Variants in GULP1 observed in about 807,000 individuals in gnomAD.
The protein encoded by GULP1 is GULP PTB domain containing engulfment adaptor 1.
Under a neutral mutation model 40.9 loss-of-function variants are expected in GULP1, and 19 were observed. That is an observed-to-expected ratio of 0.46 (90% CI 0.32 to 0.68). GULP1 has a LOEUF of 0.68. Ranked by LOEUF, GULP1 falls within the 30% of genes least tolerant of loss-of-function variation. The pLI is 0.03. For synonymous variants in GULP1, 119 were observed against 117.6 expected (o/e 1.01, Z -0.08); for missense variants, 312 against 362.2 (o/e 0.86, Z 1.12).
chr2:188,306,264 T>G (rs1371622654), intron 1 of GULP1, among the ~76,000 whole-genome samples: 2 of 152,204 alleles, frequency 1.3e-5, no homozygotes, highest in African/African-American at 4.8e-5. Context: ...CAGAGAACAT[T>G]TCAGCCCTTA....
At position 188,352,477 on chromosome 2, in the gene GULP1, A is replaced by G. The variant is rs563172775; in HGVS notation, c.-171-31286A>G. On this transcript the variant is annotated intron_variant, in intron 1 of 11. Transcript: ENST00000409830. ...TTTGTACTCAGACTGAAACTACGCCAGGTTGTTGACTGTAGATCTTGGCAT... is the reference window on the plus strand; with the variant it reads ...TTTGTACTCAGACTGAAACTACGCCGGGTTGTTGACTGTAGATCTTGGCAT... Among the ~76,000 whole-genome samples, 3 of 152,208 alleles carry G rather than the reference A, an allele frequency of 2.0e-5. No individual in the cohort carries two copies. In the East Asian group the frequency reaches 5.8e-4, roughly 29 times the overall value.
chr2:188,343,111 C>A (rs576958772), intron 1 of GULP1, among the ~76,000 whole-genome samples: 1 of 151,924 alleles, frequency 6.6e-6, no homozygotes, highest in African/African-American at 2.4e-5. Flanking sequence ...TGACATCAGA[C>A]AAATCTGGAT....
chr2:188,514,590 A>G (rs1178963556), intron 4 of GULP1, among the ~76,000 whole-genome samples: 2 of 152,232 alleles, frequency 1.3e-5, no homozygotes, highest in South Asian at 2.1e-4. Context: ...ATCTAATTGT[A>G]TGAAGCAAAA....
At position 188,595,907 on chromosome 2, in the gene GULP1, A is replaced by T. The variant is rs1704340995; in HGVS notation, c.*1896A>T. Reference sequence around the variant, plus strand: ...CAACGATATGTTTGGTTTTCCTGAAAATAAATGATTTTAAATAAATTAAAT... The same window carrying T: ...CAACGATATGTTTGGTTTTCCTGAATATAAATGATTTTAAATAAATTAAAT... On this transcript the variant is annotated 3_prime_UTR_variant, in exon 12 of 12. Coordinates refer to ENST00000409830, the MANE Select transcript of GULP1 (RefSeq NM_016315.4). 2 of 152,298 alleles carry T rather than the reference A, an allele frequency of 1.3e-5. No individual in the cohort carries two copies. The allele number at this position is 152,298 out of a possible 1,614,324, so 9.4% of individuals were successfully genotyped here. A position where few individuals can be genotyped will look rare whatever the true frequency, so the allele number is the denominator to read the frequency against.
chr2:188,428,403 G>A (rs2056470248), intron 2 of GULP1, among the ~76,000 whole-genome samples: 1 of 152,144 alleles, frequency 6.6e-6, no homozygotes, highest in South Asian at 2.1e-4. Context: ...TGATATGGTT[G>A]AGATCTATGT....
At chr2:188,420,199 A>T (rs371192862) in intron 2 of GULP1, among the ~76,000 whole-genome samples, 38 of 152,166 alleles carry the variant, frequency 2.5e-4, no homozygotes, top group African/African-American at 7.7e-4. Flanking sequence ...AATTTTAGAT[A>T]TTTGTTCTAA....
intron 2 of GULP1, among the ~76,000 whole-genome samples, chr2:188,411,151 C>A (rs1360498092): frequency 6.6e-6 from 1 of 152,028 alleles, no homozygotes; most frequent in Admixed American, 6.5e-5. Flanking sequence ...CTTTACAGCA[C>A]CCTTCTTGGT....
At chr2:188,409,983 A>T (rs2053651880) in intron 2 of GULP1, among the ~76,000 whole-genome samples, 1 of 152,204 alleles carries the variant, frequency 6.6e-6, no homozygotes, top group Admixed American at 6.5e-5. Flanking sequence ...TGGTTCTGGC[A>T]TAAAAGAACA....
Position 188,587,937 on chromosome 2 carries a change from A to G in GULP1, c.831A>G (p.Leu277=), listed in dbSNP as rs1419513494. The G allele has an allele frequency of 1.3e-6, 2 of 1,556,796 alleles. No individual in the cohort carries two copies. The highest frequency in any genetic ancestry group is 1.1e-5 in the South Asian group (1 of 89,928). Residue 277 remains leucine, a synonymous_variant, in exon 11 of 12, where the codon TTA becomes TTG. Coordinates refer to ENST00000409830, the MANE Select transcript of GULP1 (RefSeq NM_016315.4). ...ADFPPDIQSK[L]DEMQEGFKMG... is the part of the protein sequence containing the mutation. ...TCCCTCCAGATATTCAATCAAAATT[A>G]GATGAGATGCAGGTGACTATTTTGA...
At chr2:188,430,223 T>C (rs370916265) in intron 2 of GULP1, among the ~76,000 whole-genome samples, 38 of 152,228 alleles carry the variant, frequency 2.5e-4, no homozygotes, top group African/African-American at 7.7e-4. Context: ...TAAAAAGAGC[T>C]CAAAAGTGAT....
chr2:188,476,189 T>C (rs2060994210), intron 2 of GULP1, among the ~76,000 whole-genome samples: 2 of 152,038 alleles, frequency 1.3e-5, no homozygotes, highest in Non-Finnish European at 1.5e-5. Context: ...GTGATGAGAG[T>C]AACCTGAGCT....
chr2:188,416,130 A>G (rs1313754123), intron 2 of GULP1, among the ~76,000 whole-genome samples: 1 of 152,086 alleles, frequency 6.6e-6, no homozygotes, highest in Non-Finnish European at 1.5e-5. Flanking sequence ...CACTCTTCAA[A>G]ATGAAATTCT....
chr2:188,449,143 C>A (rs1177056018), intron 2 of GULP1, among the ~76,000 whole-genome samples: 2 of 152,186 alleles, frequency 1.3e-5, no homozygotes, highest in East Asian at 1.9e-4. Context: ...TAGATATTCG[C>A]TGAACCTAAA....
chr2:188,320,474 T>C (rs1006103784), intron 1 of GULP1, among the ~76,000 whole-genome samples: 1 of 152,194 alleles, frequency 6.6e-6, no homozygotes, highest in African/African-American at 2.4e-5. Context: ...CACATATCTC[T>C]GTGAGTATCA....
At chr2:188,453,391 T>C (rs2058995142) in intron 2 of GULP1, among the ~76,000 whole-genome samples, 1 of 152,108 alleles carries the variant, frequency 6.6e-6, no homozygotes, top group Non-Finnish European at 1.5e-5. Context: ...TTGCCCCCTT[T>C]AGGCCTTCAT....
At chr2:188,420,795 A>G (rs1464182797) in intron 2 of GULP1, among the ~76,000 whole-genome samples, 3 of 152,116 alleles carry the variant, frequency 2.0e-5, no homozygotes, top group South Asian at 2.1e-4. Flanking sequence ...GAAAGAAACA[A>G]TTGGCAGAGA....
chr2:188,417,716 AC>A (rs2054770904), intron 2 of GULP1, among the ~76,000 whole-genome samples: 1 of 152,160 alleles, frequency 6.6e-6, no homozygotes, highest in Non-Finnish European at 1.5e-5. Context: ...ATCTAGTCTT[AC>A]CTCCTCATTG....
At chr2:188,443,197 G>A (rs1230803978) in intron 2 of GULP1, among the ~76,000 whole-genome samples, 1 of 152,112 alleles carries the variant, frequency 6.6e-6, no homozygotes, top group Non-Finnish European at 1.5e-5. Flanking sequence ...TGTGGGGGTG[G>A]GGGTTGGCGG....
chr2:188,423,777 A>C (rs2055780338), intron 2 of GULP1, among the ~76,000 whole-genome samples: 1 of 151,876 alleles, frequency 6.6e-6, no homozygotes, highest in African/African-American at 2.4e-5. Flanking sequence ...ATTAGATAGA[A>C]TTGAATTGAA....
Sources: allele counts gnomAD v4.1 joint callset (sites outside exome capture counted in the v4.1 genomes callset), GRCh38; gene constraint gnomAD v4.1.1; transcripts MANE v1.5; gene names NCBI Gene and HGNC (gene_info 2026-07-23, HGNC 2026-07-21).